ALDH1A3: variants seen among roughly 807,000 people sequenced by gnomAD.
The protein encoded by ALDH1A3 is aldehyde dehydrogenase 1 family member A3, also known as retinaldehyde dehydrogenase 3.
ALDH1A3 carries 28 observed loss-of-function variants against 57.5 expected under a neutral mutation model. The ratio of observed to expected loss-of-function variants is 0.49; its 90% CI spans 0.36 to 0.67. The LOEUF (loss-of-function observed/expected upper bound fraction) is 0.67, where lower values mean the gene tolerates loss of function less well. Ranked by LOEUF, ALDH1A3 falls within the 30% of genes least tolerant of loss-of-function variation. The pLI is 0.00. For missense variants in ALDH1A3, 507 were observed against 669.4 expected (o/e 0.76, Z 2.68); for synonymous variants, 281 against 264.8 (o/e 1.06, Z -0.59).
rs868312372 is a variant in ALDH1A3, at chr15:100,894,223, C to T, written c.666+141C>T. On this transcript the variant is annotated intron_variant, in intron 6 of 12. Coordinates refer to ENST00000329841, the MANE Select transcript of ALDH1A3 (RefSeq NM_000693.4). The surrounding 1 kb of genome is among the most constrained non-coding windows in gnomAD (Gnocchi z 4.5). ...GAATGACTTCCAGTGTTTTGTTTGG[C>T]GACTGCACGTTCTTTCTCCTGCTTG... The T allele has an allele frequency of 5.0e-5, 54 of 1,072,996 alleles. No individual in the cohort carries two copies. Among genetic ancestry groups the T allele is most frequent in the Non-Finnish European group, 6.3e-5 (47 of 750,170 alleles). 66.5% of individuals were successfully genotyped at this position (1,072,996 alleles called of 1,614,324 possible).
intron 9 of ALDH1A3, among the ~76,000 whole-genome samples, chr15:100,903,367 T>C (rs2141566471): frequency 6.6e-6 from 1 of 152,350 alleles, no homozygotes; most frequent in South Asian, 2.1e-4. Flanking sequence ...GAGCTCTTTA[T>C]ACCAGTCCAT....
chr15:100,908,096 A>G (rs186538771), intron 11 of ALDH1A3, among the ~76,000 whole-genome samples: 15 of 152,142 alleles, frequency 9.9e-5, no homozygotes, highest in Non-Finnish European at 2.2e-4. Flanking sequence ...TGATCCATCC[A>G]TCTCAGCCTC....
intron 8 of ALDH1A3, among the ~76,000 whole-genome samples, chr15:100,899,818 C>T (rs1422898169): frequency 6.6e-6 from 1 of 152,328 alleles, no homozygotes; most frequent in East Asian, 1.9e-4. Flanking sequence ...CTTGGAGCAG[C>T]CCCTGTGGAA....
chr15:100,885,487 G>A, intron 2 of ALDH1A3, 116 bp downstream of exon 2: 2 of 701,800 alleles, frequency 2.8e-6, no homozygotes, highest in East Asian at 5.4e-5. Flanking sequence ...GCAGGGCCTG[G>A]GCTAGCTGCG....
intron 9 of ALDH1A3, among the ~76,000 whole-genome samples, chr15:100,901,342 G>A (rs914507717): frequency 6.6e-6 from 1 of 152,194 alleles, no homozygotes; most frequent in African/African-American, 2.4e-5. Context: ...TAATTATGAA[G>A]TGAAGCAGAT....
chr15:100,885,661 T>C (rs899227999), intron 2 of ALDH1A3, among the ~76,000 whole-genome samples: 10 of 151,740 alleles, frequency 6.6e-5, no homozygotes, highest in Admixed American at 5.2e-4. Flanking sequence ...TTTTCTTTTT[T>C]TTTTTTTTTT....
rs367691717 is a variant in ALDH1A3 at position 100,915,795 on chromosome 15, T to C, written c.*1022T>C. On this transcript the variant is annotated 3_prime_UTR_variant, in exon 13 of 13. Transcript: ENST00000329841. ...ACAGCCTTGTTATTTTTAAGTCCTA[T>C]TTTGATATTAATTTCTGATTAGTTA... The C allele has an allele frequency of 6.6e-6, 1 of 152,352 alleles. No homozygotes were observed. The highest frequency in any genetic ancestry group is 1.9e-4 in the East Asian group (1 of 5,188). The allele number at this position is 152,352 out of a possible 1,614,324, so 9.4% of individuals were successfully genotyped here. A position where few individuals can be genotyped will look rare whatever the true frequency, so the allele number is the denominator to read the frequency against.
chr15:100,888,638 G>C (rs1223599047), intron 3 of ALDH1A3: 6 of 152,196 alleles, frequency 3.9e-5, no homozygotes, highest in Admixed American at 3.9e-4. Context: ...CCTGGTTATA[G>C]GAAACCTCAG....
intron 1 of ALDH1A3, among the ~76,000 whole-genome samples, chr15:100,882,508 CAT>C (rs1409206330): frequency 6.6e-6 from 1 of 152,202 alleles, no homozygotes; most frequent in Non-Finnish European, 1.5e-5. Flanking sequence ...TTTCTGAAAA[CAT>C]ATTCTTTTTG....
At chr15:100,880,343 G>A in intron 1 of ALDH1A3, 1 of 372,254 alleles carries the variant, frequency 2.7e-6, no homozygotes. Context: ...GCGCCGCGTT[G>A]ACTCGGAGCG....
Position 100,894,156 on chromosome 15 carries a change from G to A in ALDH1A3, c.666+74G>A, listed in dbSNP as rs556260586. Reference sequence around the variant, plus strand: ...CTCCTAGGAACCAGGCCACCGTCACGAGATGGGACAGTGGCAGACTGCTGG... The same window carrying A: ...CTCCTAGGAACCAGGCCACCGTCACAAGATGGGACAGTGGCAGACTGCTGG... On this transcript the variant is annotated intron_variant, in intron 6 of 12. Coordinates refer to ENST00000329841, the MANE Select transcript of ALDH1A3 (RefSeq NM_000693.4). The surrounding 1 kb of genome is among the most constrained non-coding windows in gnomAD (Gnocchi z 4.5). The A allele has an allele frequency of 1.7e-5, 27 of 1,557,516 alleles. No homozygotes were observed. The highest frequency in any genetic ancestry group is 9.5e-5 in the South Asian group (8 of 83,802).
At chr15:100,908,568 C>A in intron 12 of ALDH1A3, 86 bp downstream of exon 12, 1 of 1,249,894 alleles carries the variant, frequency 8.0e-7, no homozygotes, top group Non-Finnish European at 1.2e-6. Context: ...CTCCAATCTG[C>A]TGACACCCCG....
At chr15:100,880,446 C>G (rs2041536588) in intron 1 of ALDH1A3, 1 of 358,256 alleles carries the variant, frequency 2.8e-6, no homozygotes, top group Non-Finnish European at 5.0e-6. Context: ...GGTCCGAGAG[C>G]GCCAAGAGAG....
Position 100,895,541 on chromosome 15 carries a change from GTACCCCTCTCCCCT to G in ALDH1A3, c.667-389_667-376del, listed in dbSNP as rs1310462085. ...TCCTGGGCAGGGCATTCTGATCAAG[GTACCCCTCTCCCCT>G]TAACGCATACACACACTCTCCCTCA... On this transcript the variant is annotated intron_variant, in intron 6 of 12. Coordinates refer to ENST00000329841, the MANE Select transcript of ALDH1A3 (RefSeq NM_000693.4). The G allele has an allele frequency of 6.3e-5, 12 of 191,924 alleles. No homozygotes were observed. In the Admixed American group the frequency reaches 6.6e-4, roughly 11 times the overall value. 11.9% of individuals were successfully genotyped at this position (191,924 alleles called of 1,614,324 possible).
chr15:100,890,847 T>C (rs1311572658), intron 3 of ALDH1A3, among the ~76,000 whole-genome samples: 1 of 152,248 alleles, frequency 6.6e-6, no homozygotes, highest in Admixed American at 6.5e-5. Flanking sequence ...GAGGCCTTTT[T>C]GCACTATTTG....
intron 1 of ALDH1A3, among the ~76,000 whole-genome samples, chr15:100,883,364 A>C (rs2041564073): frequency 6.6e-6 from 1 of 152,226 alleles, no homozygotes; most frequent in Non-Finnish European, 1.5e-5. Flanking sequence ...GGATGGCAAA[A>C]GTGAACTCTT....
At position 100,894,205 on chromosome 15, in the gene ALDH1A3, T is replaced by C; in HGVS notation, c.666+123T>C. 1 of 1,289,190 alleles carries C rather than the reference T, an allele frequency of 7.8e-7. No individual in the cohort carries two copies. Among genetic ancestry groups the C allele is most frequent in the Non-Finnish European group, 1.1e-6 (1 of 934,428 alleles). The allele number at this position is 1,289,190 out of a possible 1,614,324, so 79.9% of individuals were successfully genotyped here. On this transcript the variant is annotated intron_variant, in intron 6 of 12. Coordinates refer to ENST00000329841, the MANE Select transcript of ALDH1A3 (RefSeq NM_000693.4). This position sits in a 1 kb window ranked among gnomAD's most constrained non-coding sequence, Gnocchi z 4.5. The stretch of plus-strand genomic sequence containing the variant: ...GGCAATCGAGTGGGAAGGGAATGAC[T>C]TCCAGTGTTTTGTTTGGCGACTGCA...
intron 4 of ALDH1A3, 95 bp downstream of exon 4, chr15:100,892,734 C>T: frequency 2.0e-6 from 3 of 1,491,274 alleles, no homozygotes; most frequent in South Asian, 1.3e-5. Context: ...CCTAAGGCAC[C>T]ATTCCCAACC....
Position 100,916,123 on chromosome 15 carries a change from A to AGT in ALDH1A3, c.*1357_*1358dup, listed in dbSNP as rs1463806954. 1 of 152,248 alleles carries AGT rather than the reference A, an allele frequency of 6.6e-6. No individual in the cohort carries two copies. The highest frequency in any genetic ancestry group is 1.5e-5 in the Non-Finnish European group (1 of 68,048). 9.4% of individuals were successfully genotyped at this position (152,248 alleles called of 1,614,324 possible). A position where few individuals can be genotyped will look rare whatever the true frequency, so the allele number is the denominator to read the frequency against. On this transcript the variant is annotated 3_prime_UTR_variant, in exon 13 of 13. Transcript: ENST00000329841. ...TAAAATGAGGGCCCGTAACAGAACC[A>AGT]GTGTGTGTATAACGAAAACCATGTA...
Sources: allele counts gnomAD v4.1 joint callset (sites outside exome capture counted in the v4.1 genomes callset), GRCh38; gene constraint gnomAD v4.1.1; non-coding constraint Gnocchi (gnomAD v3.1); transcripts MANE v1.5; gene names NCBI Gene and HGNC (gene_info 2026-07-23, HGNC 2026-07-21).